The following SESTD1 variants were observed in gnomAD, a reference collection of about 807,000 sequenced individuals.
The protein encoded by SESTD1 is SEC14 and spectrin domain containing 1.
In SESTD1, 43 loss-of-function variants were observed where a neutral mutation model predicts 101.7. That is an observed-to-expected ratio of 0.42 (90% confidence interval 0.33 to 0.55). The LOEUF is 0.55. SESTD1 is among the 20% of genes least tolerant of loss of function. The pLI is 0.07. For synonymous variants in SESTD1, 283 were observed against 286.8 expected (o/e 0.99, Z 0.13); for missense variants, 647 against 815.1 (o/e 0.79, Z 2.51).
At chr2:179,166,438 C>T (rs989252822) in intron 5 of SESTD1, among the ~76,000 whole-genome samples, 5 of 152,040 alleles carry the variant, frequency 3.3e-5, no homozygotes, top group Non-Finnish European at 7.4e-5. Context: ...ACTGAAGTCC[C>T]ACCACAGGTG....
At chr2:179,239,673 A>G (rs942238676) in intron 1 of SESTD1, among the ~76,000 whole-genome samples, 1 of 152,222 alleles carries the variant, frequency 6.6e-6, no homozygotes, top group Non-Finnish European at 1.5e-5. Flanking sequence ...GCTAGGATTC[A>G]AAACCACTGG....
At chr2:179,218,000 G>A (rs560540023) in intron 1 of SESTD1, among the ~76,000 whole-genome samples, 1 of 152,134 alleles carries the variant, frequency 6.6e-6, no homozygotes, top group Non-Finnish European at 1.5e-5. Context: ...GGCTGGGGGA[G>A]GGATGGCATT....
Position 179,184,329 on chromosome 2 carries a change from C to T in SESTD1, c.56-1141G>A, listed in dbSNP as rs2046173264. Among the ~76,000 whole-genome samples, 4 of 152,126 alleles carry T rather than the reference C, an allele frequency of 2.6e-5. No individual in the cohort carries two copies. In the South Asian group the frequency reaches 8.3e-4, roughly 32 times the overall value. ...ACAATTCCACATGATCGCTAGACAT[C>T]TATCACTAAAAACTGAAAGGTGTGA... On this transcript the variant is annotated intron_variant, in intron 2 of 17. Coordinates refer to ENST00000428443, the MANE Select transcript of SESTD1 (RefSeq NM_178123.5).
At chr2:179,219,056 C>A (rs200973540) in intron 1 of SESTD1, among the ~76,000 whole-genome samples, 1 of 74,130 alleles carries the variant, frequency 1.3e-5, no homozygotes, top group South Asian at 5.7e-4. Context: ...CTTTTCCTTC[C>A]AGCTGTCTAT....
chr2:179,190,971 C>T (rs1413635188), intron 2 of SESTD1, among the ~76,000 whole-genome samples: 1 of 152,194 alleles, frequency 6.6e-6, no homozygotes, highest in Admixed American at 6.5e-5. Context: ...TTGGAGACTT[C>T]TCAGAGAACT....
chr2:179,209,581 C>G (rs1248769930), intron 1 of SESTD1, among the ~76,000 whole-genome samples: 1 of 134,628 alleles, frequency 7.4e-6, no homozygotes, highest in African/African-American at 2.9e-5. Flanking sequence ...CAAAACTATA[C>G]AAATACATTA....
At chr2:179,236,323 T>TAA (rs552456681) in intron 1 of SESTD1, among the ~76,000 whole-genome samples, 13 of 66,722 alleles carry the variant, frequency 1.9e-4, no homozygotes, top group South Asian at 7.2e-4. Flanking sequence ...CCTCATCTCT[T>TAA]AAAAAAAAAA....
intron 1 of SESTD1, among the ~76,000 whole-genome samples, chr2:179,217,043 T>C (rs1417544967): frequency 6.6e-6 from 1 of 151,968 alleles, no homozygotes; most frequent in African/African-American, 2.4e-5. Context: ...GAAGAAAACC[T>C]AGGCAATACC....
intron 1 of SESTD1, among the ~76,000 whole-genome samples, chr2:179,221,947 A>G (rs1003384587): frequency 2.0e-5 from 3 of 152,136 alleles, no homozygotes; most frequent in Admixed American, 6.6e-5. Flanking sequence ...AACAAAAAAC[A>G]ACATATATTG....
At chr2:179,257,208 G>C (rs1559165386) in intron 1 of SESTD1, among the ~76,000 whole-genome samples, 1 of 151,622 alleles carries the variant, frequency 6.6e-6, no homozygotes, top group African/African-American at 2.4e-5. Context: ...TGGTTCAGGG[G>C]GCTGCCCTTA....
In SESTD1 at chr2:179,156,612, T is replaced by C. The variant is rs1434197993; in HGVS notation, c.370-5221A>G. ...ATTTTTTCATATGTTTGTTGGCCAT[T>C]TGTATATCTTCTTTTGAGAATTGTC... On this transcript the variant is annotated intron_variant, in intron 5 of 17. Coordinates refer to ENST00000428443, the MANE Select transcript of SESTD1 (RefSeq NM_178123.5). Among the ~76,000 whole-genome samples the C allele has an allele frequency of 3.3e-5, 5 of 152,202 alleles. No homozygotes were observed. The South Asian group carries it at 6.2e-4, about 19-fold the overall frequency.
intron 5 of SESTD1, among the ~76,000 whole-genome samples, chr2:179,161,972 C>T (rs1362836250): frequency 6.6e-6 from 1 of 152,090 alleles, no homozygotes; most frequent in East Asian, 1.9e-4. Context: ...TGCTACATAA[C>T]AATTTTATGA....
chr2:179,237,372 T>C (rs2047083829), intron 1 of SESTD1, among the ~76,000 whole-genome samples: 1 of 152,194 alleles, frequency 6.6e-6, no homozygotes, highest in Non-Finnish European at 1.5e-5. Flanking sequence ...GTTAGTCTTT[T>C]TGGGGGACTT....
At chr2:179,151,700 A>C (rs193279124) in intron 5 of SESTD1, among the ~76,000 whole-genome samples, 2 of 152,294 alleles carry the variant, frequency 1.3e-5, no homozygotes, top group African/African-American at 4.8e-5. Flanking sequence ...TCCTTAATGC[A>C]ATGAAGTAAT....
chr2:179,167,748 A>G (rs988130662), intron 5 of SESTD1, among the ~76,000 whole-genome samples: 1 of 152,072 alleles, frequency 6.6e-6, no homozygotes, highest in Admixed American at 6.6e-5. Flanking sequence ...AGCACTTTTA[A>G]TTTTATTTAA....
At chr2:179,260,111 C>T (rs1302664105) in intron 1 of SESTD1, among the ~76,000 whole-genome samples, 1 of 152,164 alleles carries the variant, frequency 6.6e-6, no homozygotes, top group South Asian at 2.1e-4. Context: ...ATTTGTATAG[C>T]ATGTTACAGT....
In SESTD1 at chr2:179,264,785, C is replaced by A. The variant is rs2047540050; in HGVS notation, c.-312G>T. On this transcript the variant is annotated 5_prime_UTR_variant, in exon 1 of 18. Coordinates refer to ENST00000428443, the MANE Select transcript of SESTD1 (RefSeq NM_178123.5). ...CCGCGTCCGCGCGACCCCGCGCGCG[C>A]CCGGGTGACGGCGGTACAGCAACCC... 1 of 151,574 alleles carries A rather than the reference C, an allele frequency of 6.6e-6. No individual in the cohort carries two copies. Among genetic ancestry groups the A allele is most frequent in the African/African-American group, 2.4e-5 (1 of 41,212 alleles). 9.4% of individuals were successfully genotyped at this position (151,574 alleles called of 1,614,324 possible). A position where few individuals can be genotyped will look rare whatever the true frequency, so the allele number is the denominator to read the frequency against.
In SESTD1 at chr2:179,108,947, T is replaced by C. The variant is rs2044448652; in HGVS notation, c.*952A>G. On this transcript the variant is annotated 3_prime_UTR_variant, in exon 18 of 18. Transcript: ENST00000428443. ...TAGTTCCTGAAAGATTACTCTGATA[T>C]AAAGGATTACACTGAAGTAATTATG... The C allele has an allele frequency of 6.6e-6, 1 of 152,110 alleles. No individual in the cohort carries two copies. Among genetic ancestry groups the C allele is most frequent in the African/African-American group, 2.4e-5 (1 of 41,424 alleles). The allele number at this position is 152,110 out of a possible 1,614,324, so 9.4% of individuals were successfully genotyped here. A position where few individuals can be genotyped will look rare whatever the true frequency, so the allele number is the denominator to read the frequency against.
intron 13 of SESTD1, among the ~76,000 whole-genome samples, chr2:179,118,045 A>G (rs1160137431): frequency 6.6e-6 from 1 of 152,134 alleles, no homozygotes; most frequent in African/African-American, 2.4e-5. Context: ...ATCATAGCTC[A>G]CTATAACCTC....
Sources: gnomAD v4.1 joint callset for allele counts (sites outside exome capture counted in the v4.1 genomes callset) on GRCh38, gnomAD v4.1.1 for gene constraint, MANE v1.5 for transcripts, NCBI Gene and HGNC (gene_info 2026-07-23, HGNC 2026-07-21) for gene names.